The following SLC22A23 variants were observed in gnomAD, a reference collection of about 807,000 sequenced individuals.
SLC22A23 encodes solute carrier family 22 member 23.
Under a neutral mutation model 61.0 loss-of-function variants are expected in SLC22A23, and 26 were observed. The observed-to-expected ratio is 0.43, with a 90% CI of 0.31 to 0.59. SLC22A23 has a LOEUF of 0.59. Ranked by LOEUF, SLC22A23 falls within the 20% of genes least tolerant of loss-of-function variation. The pLI, the probability that SLC22A23 is intolerant of heterozygous loss-of-function variation, is 0.11. For missense variants in SLC22A23, 796 were observed against 934.7 expected (o/e 0.85, Z 1.94); for synonymous variants, 430 against 413.9 (o/e 1.04, Z -0.47).
At chr6:3,388,128 C>A (rs1053149750) in intron 3 of SLC22A23, among the ~76,000 whole-genome samples, 10 of 152,136 alleles carry the variant, frequency 6.6e-5, no homozygotes, top group African/African-American at 1.4e-4. Context: ...GAGGGCAAGC[C>A]CGCCACAGAA....
intron 3 of SLC22A23, among the ~76,000 whole-genome samples, chr6:3,354,504 A>G (rs1764957264): frequency 1.3e-5 from 2 of 152,218 alleles, no homozygotes; most frequent in African/African-American, 4.8e-5. Flanking sequence ...TCGATATAGC[A>G]GAGACTCTGT....
intron 1 of SLC22A23, among the ~76,000 whole-genome samples, chr6:3,440,480 G>C (rs1771518359): frequency 6.6e-6 from 1 of 152,128 alleles, no homozygotes; most frequent in Non-Finnish European, 1.5e-5. Flanking sequence ...GGCCGAGGCA[G>C]GTGGATCATG....
At chr6:3,364,912 C>T (rs370549429) in intron 3 of SLC22A23, among the ~76,000 whole-genome samples, 17 of 152,010 alleles carry the variant, frequency 1.1e-4, no homozygotes, top group East Asian at 1.9e-4. Flanking sequence ...GGTAGGGGGA[C>T]GGCAAAAAAG....
Position 3,390,063 on chromosome 6 carries a change from TCTC to T in SLC22A23, c.913+20122_913+20124del, listed in dbSNP as rs747887602. Reference sequence around the variant, plus strand: ...TGGTTTGGGATGAAATGAACAGAGTTCTCCTGGCACGGCATCACTGGGCCAGTT... The same window carrying T: ...TGGTTTGGGATGAAATGAACAGAGTTCTGGCACGGCATCACTGGGCCAGTT... On this transcript the variant is annotated intron_variant, in intron 3 of 9. Transcript: ENST00000406686. This position sits in a 1 kb window ranked among gnomAD's most constrained non-coding sequence, Gnocchi z 4.0. Among the ~76,000 whole-genome samples, 4 of 152,136 alleles carry T rather than the reference TCTC, an allele frequency of 2.6e-5. No individual in the cohort carries two copies. The highest frequency in any genetic ancestry group is 5.9e-5 in the Non-Finnish European group (4 of 68,028).
intron 3 of SLC22A23, among the ~76,000 whole-genome samples, chr6:3,345,136 T>C (rs1309102804): frequency 6.6e-6 from 1 of 152,228 alleles, no homozygotes; most frequent in Non-Finnish European, 1.5e-5. Flanking sequence ...TTAGTGTTAC[T>C]TCTACTACAT....
At chr6:3,443,068 T>G (rs1433786201) in intron 1 of SLC22A23, among the ~76,000 whole-genome samples, 1 of 152,218 alleles carries the variant, frequency 6.6e-6, no homozygotes, top group Admixed American at 6.5e-5. Context: ...CTGGGAAAAG[T>G]AGGCCCTCAA....
At chr6:3,445,116 A>G in intron 1 of SLC22A23, 2 of 331,198 alleles carry the variant, frequency 6.0e-6, no homozygotes, top group Non-Finnish European at 8.6e-6. Flanking sequence ...CATTGAGGAA[A>G]CAGGTGCAGT....
At chr6:3,305,787 G>A (rs1761933376) in intron 4 of SLC22A23, among the ~76,000 whole-genome samples, 1 of 152,182 alleles carries the variant, frequency 6.6e-6, no homozygotes, top group Non-Finnish European at 1.5e-5. Flanking sequence ...GCGACCTTGA[G>A]GATGACTTCT....
chr6:3,299,651 T>A (rs1458873530), intron 4 of SLC22A23, among the ~76,000 whole-genome samples: 2 of 152,274 alleles, frequency 1.3e-5, no homozygotes, highest in African/African-American at 4.8e-5. Flanking sequence ...GAGCAGGAGT[T>A]GGCACGCTAT....
At chr6:3,423,289 TTTTC>T (rs765789162) in intron 1 of SLC22A23, among the ~76,000 whole-genome samples, 24 of 150,642 alleles carry the variant, frequency 1.6e-4, no homozygotes, top group African/African-American at 5.7e-4. Flanking sequence ...AATGAGTCAC[TTTTC>T]TTTGTTTGTT....
chr6:3,308,103 T>C lies in SLC22A23; in HGVS notation c.1083-9885A>G, dbSNP rs747620675. On this transcript the variant is annotated intron_variant, in intron 4 of 9. Transcript: ENST00000406686. The surrounding 1 kb of genome is among the most constrained non-coding windows in gnomAD (Gnocchi z 5.1). The stretch of plus-strand genomic sequence containing the variant: ...GTGAAAAAATTCTAGAAATGGATGG[T>C]GGAGATGGCTGCACAACATCGCGTT... Among the ~76,000 whole-genome samples the C allele has an allele frequency of 1.3e-5, 2 of 152,130 alleles. No homozygotes were observed. The highest frequency in any genetic ancestry group is 2.9e-5 in the Non-Finnish European group (2 of 68,036).
intron 2 of SLC22A23, 138 bp downstream of exon 2, chr6:3,415,614 C>G (rs1044556906): frequency 4.8e-6 from 3 of 618,868 alleles, no homozygotes; most frequent in Non-Finnish European, 8.7e-6. Flanking sequence ...TCTGCATTCT[C>G]CACGTGGCAG....
In SLC22A23 at chr6:3,327,490, T is replaced by C. The variant is rs2127404972; in HGVS notation, c.914-3488A>G. Among the ~76,000 whole-genome samples, 1 of 152,302 alleles carries C rather than the reference T, an allele frequency of 6.6e-6. No homozygotes were observed. On this transcript the variant is annotated intron_variant, in intron 3 of 9. Transcript: ENST00000406686. This position sits in a 1 kb window ranked among gnomAD's most constrained non-coding sequence, Gnocchi z 4.1. Reference sequence around the variant, plus strand: ...CATCAAAGATTCAAACATTAAACTATCTCAAGTGGCCAGCATGTAGCACTT... The same window carrying C: ...CATCAAAGATTCAAACATTAAACTACCTCAAGTGGCCAGCATGTAGCACTT...
rs533093685 is a variant in SLC22A23, at chr6:3,317,580, C to A, written c.1082+6254G>T. On this transcript the variant is annotated intron_variant, in intron 4 of 9. Transcript: ENST00000406686. This position sits in a 1 kb window ranked among gnomAD's most constrained non-coding sequence, Gnocchi z 4.4. Reference sequence around the variant, plus strand: ...TGTTTCTTCTGGAAGAAGGATCAGTCGGTATGACTTCCTTCTAGATGAGCG... The same window carrying A: ...TGTTTCTTCTGGAAGAAGGATCAGTAGGTATGACTTCCTTCTAGATGAGCG... 6.6e-6 allele frequency among the ~76,000 whole-genome samples: 1 copy of A among 152,314 alleles called. No individual in the cohort carries two copies. The highest frequency in any genetic ancestry group is 1.9e-4 in the East Asian group (1 of 5,184).
At chr6:3,438,665 A>G (rs1771385681) in intron 1 of SLC22A23, 1 of 388,682 alleles carries the variant, frequency 2.6e-6, no homozygotes, top group African/African-American at 2.1e-5. Flanking sequence ...TTTTCTAGTA[A>G]TTAACCGTTA....
rs1758333367 is a variant in SLC22A23, at chr6:3,269,425, T to C, written c.*3630A>G. 1.3e-5 allele frequency: 2 copies of C among 152,564 alleles called. No homozygotes were observed. The highest frequency in any genetic ancestry group is 4.1e-4 in the South Asian group (2 of 4,832). 9.5% of individuals were successfully genotyped at this position (152,564 alleles called of 1,614,324 possible). A position where few individuals can be genotyped will look rare whatever the true frequency, so the allele number is the denominator to read the frequency against. ...GTGAAATGCCCTTCGGTGGATACCA[T>C]CAGGTGAGGTAGGGAAGACATTCCA... On this transcript the variant is annotated 3_prime_UTR_variant, in exon 10 of 10. Transcript: ENST00000406686.
At chr6:3,323,187 T>C in intron 4 of SLC22A23, 1 of 453,664 alleles carries the variant, frequency 2.2e-6, no homozygotes, top group South Asian at 1.6e-5. Context: ...CATATTAGAC[T>C]GATATTGAGC....
intron 1 of SLC22A23, chr6:3,438,564 C>T (rs747469646): frequency 4.4e-6 from 2 of 455,946 alleles, no homozygotes; most frequent in Non-Finnish European, 8.8e-6. Flanking sequence ...CACTATAAAA[C>T]CACCGTAATA....
intron 1 of SLC22A23, among the ~76,000 whole-genome samples, chr6:3,441,359 T>C (rs1483530166): frequency 2.6e-5 from 4 of 152,072 alleles, no homozygotes; most frequent in African/African-American, 9.7e-5. Flanking sequence ...AGGAGACTCA[T>C]TGTCTACTGG....
Sources: allele counts gnomAD v4.1 joint callset (sites outside exome capture counted in the v4.1 genomes callset), GRCh38; gene constraint gnomAD v4.1.1; non-coding constraint Gnocchi (gnomAD v3.1); transcripts MANE v1.5; gene names NCBI Gene and HGNC (gene_info 2026-07-23, HGNC 2026-07-21).